Variants in DACH2 observed in about 807,000 individuals in gnomAD.
DACH2 encodes dachshund homolog 2.
Under a neutral mutation model 35.8 loss-of-function variants are expected in DACH2, and 17 were observed. The ratio of observed to expected loss-of-function variants is 0.48; its 90% CI spans 0.33 to 0.71. The LOEUF (loss-of-function observed/expected upper bound fraction) is 0.71, where lower values mean the gene tolerates loss of function less well. Ranked by LOEUF, DACH2 falls within the 30% of genes least tolerant of loss-of-function variation. The pLI is 0.02. For missense variants in DACH2, 469 were observed against 472.7 expected, an observed-to-expected ratio of 0.99 and a Z score of 0.07; for synonymous variants, 195 against 177.3, an observed-to-expected ratio of 1.10 and a Z score of -0.79.
At chrX:86,440,965 G>A (rs970796490) in intron 2 of DACH2, among the ~76,000 whole-genome samples, 1 of 110,552 alleles carries the variant, frequency 9.0e-6, no homozygotes, top group Non-Finnish European at 1.9e-5. Context: ...TGTACCTGTT[G>A]ACCAACCTCT....
chrX:86,315,276 A>C (rs1376973662), intron 1 of DACH2, among the ~76,000 whole-genome samples: 1 of 112,228 alleles, frequency 8.9e-6, no homozygotes, highest in Non-Finnish European at 1.9e-5. Flanking sequence ...GGTTTACTGA[A>C]TATTTTAAGC....
rs957794267 is a variant in DACH2, at chrX:86,714,708, C to G, written c.1092C>G (p.Thr364=). The G allele has an allele frequency of 1.7e-6, 2 of 1,173,484 alleles. No individual in the cohort carries two copies. Among genetic ancestry groups the G allele is most frequent in the Non-Finnish European group, 2.3e-6 (2 of 870,685 alleles). The change falls in exon 6 of 12, where the codon ACC becomes ACG. Residue 364 remains threonine (T), a synonymous_variant. Transcript: ENST00000373125. The part of the protein sequence containing the change: ...QIHSPLSRAG[T]SVIKERIPES... ...ACAGTCCACTCTCCAGAGCTGGTAC[C>G]TCTGTTATAAAGGTAAGAATCGTGA...
intron 7 of DACH2, among the ~76,000 whole-genome samples, chrX:86,747,188 G>C (rs1476964943): frequency 9.0e-6 from 1 of 111,327 alleles, no homozygotes; most frequent in African/African-American, 3.3e-5. Context: ...GTGTTTCTAT[G>C]AGAATTTTTA....
chrX:86,297,254 G>T (rs1258019952), intron 1 of DACH2, among the ~76,000 whole-genome samples: 1 of 110,049 alleles, frequency 9.1e-6, no homozygotes, highest in Non-Finnish European at 1.9e-5. Context: ...GGACAAACAA[G>T]ACCAAATTCT....
Position 86,588,546 on chromosome X carries a change from T to A in DACH2, c.641-62490T>A, listed in dbSNP as rs181581661. ...GTCATCTCTGATTTCTTTCAGCAGT[T>A]TTTAAACATTTTCTCCTCATAGAGA... On this transcript the variant is annotated intron_variant, in intron 3 of 11. Coordinates refer to ENST00000373125, the MANE Select transcript of DACH2 (RefSeq NM_053281.3). Among the ~76,000 whole-genome samples, 56 of 111,869 alleles carry A rather than the reference T, an allele frequency of 5.0e-4. 1 individual carries two copies. The East Asian group carries it at 0.015, about 31-fold the overall frequency.
intron 5 of DACH2, among the ~76,000 whole-genome samples, chrX:86,695,663 C>A (rs1230989815): frequency 9.1e-6 from 1 of 110,030 alleles, no homozygotes; most frequent in Admixed American, 9.7e-5. Flanking sequence ...GCATCTGCCA[C>A]CACGTCCAGC....
chrX:86,412,326 C>T (rs146050529), intron 2 of DACH2, among the ~76,000 whole-genome samples: 236 of 111,245 alleles, frequency 2.1e-3, no homozygotes, highest in African/African-American at 7.4e-3. Context: ...CTACTTCCAC[C>T]CCTTGATTCC....
chrX:86,670,559 T>TCCCAA (rs2040752865), intron 4 of DACH2, among the ~76,000 whole-genome samples: 1 of 111,911 alleles, frequency 8.9e-6, no homozygotes, highest in Non-Finnish European at 1.9e-5. Context: ...CTAATGCTGT[T>TCCCAA]CCCAACCTAA....
At chrX:86,527,082 A>T (rs1388897675) in intron 3 of DACH2, among the ~76,000 whole-genome samples, 1 of 111,083 alleles carries the variant, frequency 9.0e-6, no homozygotes, top group African/African-American at 3.3e-5. Context: ...AAGGAGGGCG[A>T]TTTTCTCATA....
At chrX:86,667,565 A>AAAG (rs1491524367) in intron 4 of DACH2, among the ~76,000 whole-genome samples, 32 of 93,097 alleles carry the variant, frequency 3.4e-4, no homozygotes, top group Non-Finnish European at 5.8e-4. Context: ...AGAAAGAAAG[A>AAAG]AAGAAAGAAA....
intron 2 of DACH2, among the ~76,000 whole-genome samples, chrX:86,425,399 G>A (rs759494887): frequency 1.1e-4 from 12 of 109,842 alleles, no homozygotes; most frequent in Non-Finnish European, 1.5e-4. Context: ...TTCCTGGCTC[G>A]ATCTTGGTAG....
At chrX:86,208,658 G>A (rs913463151) in intron 1 of DACH2, among the ~76,000 whole-genome samples, 4 of 111,566 alleles carry the variant, frequency 3.6e-5, no homozygotes, top group Middle Eastern at 4.2e-3. Flanking sequence ...AATTTTGCGT[G>A]TATCTTTCCC....
chrX:86,684,887 C>T lies in DACH2; in HGVS notation c.773-10134C>T, dbSNP rs779512381. Among the ~76,000 whole-genome samples the T allele has an allele frequency of 5.3e-3, 585 of 110,897 alleles. 3 individuals are homozygous for T. Among genetic ancestry groups the T allele is most frequent in the Middle Eastern group, 0.021 (4 of 195 alleles). ...GTAAATTTCGAGCTGTATACATGTA[C>T]TAACATATGCACACAAAATAGAAAT... On this transcript the variant is annotated intron_variant, in intron 4 of 11. Transcript: ENST00000373125.
At chrX:86,565,391 G>A (rs756243574) in intron 3 of DACH2, among the ~76,000 whole-genome samples, 79 of 111,376 alleles carry the variant, frequency 7.1e-4, no homozygotes, top group Non-Finnish European at 9.8e-4. Flanking sequence ...CGGACCATCA[G>A]CATTAGCATT....
intron 1 of DACH2, among the ~76,000 whole-genome samples, chrX:86,272,462 G>A (rs1448328068): frequency 2.7e-5 from 3 of 111,346 alleles, no homozygotes; most frequent in African/African-American, 9.8e-5. Context: ...AGCAACAGCA[G>A]CAGCAACAAC....
At chrX:86,759,624 T>A (rs188231895) in intron 7 of DACH2, among the ~76,000 whole-genome samples, 36 of 110,475 alleles carry the variant, frequency 3.3e-4, no homozygotes, top group Non-Finnish European at 6.5e-4. Context: ...GTTGAATTCA[T>A]TTACATTCAA....
At chrX:86,716,288 G>T (rs1322517342) in intron 6 of DACH2, among the ~76,000 whole-genome samples, 3 of 112,191 alleles carry the variant, frequency 2.7e-5, no homozygotes, top group Non-Finnish European at 5.6e-5. Flanking sequence ...AGTTAGAGTT[G>T]TCTTTGAGAA....
intron 1 of DACH2, among the ~76,000 whole-genome samples, chrX:86,271,183 G>A (rs765958821): frequency 3.6e-5 from 4 of 111,843 alleles, no homozygotes; most frequent in African/African-American, 1.3e-4. Flanking sequence ...CAGGAAGTCA[G>A]AGAAGAGATT....
chrX:86,410,037 C>A (rs780480097), intron 2 of DACH2, among the ~76,000 whole-genome samples: 33 of 112,026 alleles, frequency 2.9e-4, no homozygotes, highest in African/African-American at 9.7e-4. Flanking sequence ...ATGACTAGTG[C>A]CAATACTGTA....
Sources: allele counts gnomAD v4.1 joint callset (sites outside exome capture counted in the v4.1 genomes callset), GRCh38; gene constraint gnomAD v4.1.1; transcripts MANE v1.5; gene names NCBI Gene and HGNC (gene_info 2026-07-23, HGNC 2026-07-21).